Variants in ZNF91 observed in about 807,000 individuals in gnomAD.
The protein encoded by ZNF91 is zinc finger protein 91 (HPF7, HTF10).
Under a neutral mutation model 12.6 loss-of-function variants are expected in ZNF91, and 7 were observed. The observed-to-expected ratio is 0.55, with a 90% CI of 0.31 to 1.04. ZNF91 has a LOEUF of 1.04. ZNF91 is among the 50% of genes least tolerant of loss of function. The pLI is 0.05. For missense variants in ZNF91, 1,217 were observed against 1,385.4 expected (o/e 0.88, Z 1.93); for synonymous variants, 453 against 462.6 (o/e 0.98, Z 0.27).
At chr19:23,338,594 AAAC>A (rs1378419205), downstream of ZNF91, 1 of 123,062 alleles carries the variant, frequency 8.1e-6, no homozygotes, top group East Asian at 4.8e-4. Flanking sequence ...AGGTCTTACA[AAAC>A]AAAACAAAGT....
intron 2 of ZNF91, among the ~76,000 whole-genome samples, chr19:23,374,315 G>A (rs1323037237): frequency 3.3e-5 from 5 of 151,140 alleles, no homozygotes; most frequent in African/African-American, 1.2e-4. Context: ...AGGCCAAGGC[G>A]GGCAGATCAT....
At chr19:23,377,689 T>G (rs939623020) in intron 1 of ZNF91, among the ~76,000 whole-genome samples, 1 of 152,234 alleles carries the variant, frequency 6.6e-6, no homozygotes, top group African/African-American at 2.4e-5. Flanking sequence ...TCTTAAAGTA[T>G]ACTACTTGCT....
downstream of ZNF91, among the ~76,000 whole-genome samples, chr19:23,352,751 AG>A (rs1470841568): frequency 4.6e-5 from 7 of 152,208 alleles, no homozygotes; most frequent in Admixed American, 4.6e-4. Context: ...ATAAACTTAA[AG>A]GGGTGGAAAA....
chr19:23,382,995 A>G (rs893441217), intron 1 of ZNF91, among the ~76,000 whole-genome samples: 4 of 152,212 alleles, frequency 2.6e-5, no homozygotes, highest in Non-Finnish European at 5.9e-5. Context: ...CCAACTCATT[A>G]TATAAGAACA....
At position 23,357,831 on chromosome 19, in the gene ZNF91, T is replaced by C. The variant is rs559236233; in HGVS notation, c.*1572A>G. 2 of 152,310 alleles carry C rather than the reference T, an allele frequency of 1.3e-5. No homozygotes were observed. The highest frequency in any genetic ancestry group is 2.9e-5 in the Non-Finnish European group (2 of 68,016). 9.4% of individuals were successfully genotyped at this position (152,310 alleles called of 1,614,324 possible). On this transcript the variant is annotated 3_prime_UTR_variant, in exon 4 of 4. Coordinates refer to ENST00000300619, the MANE Select transcript of ZNF91 (RefSeq NM_003430.4). ...AATTATTTGTAATACAAAGAATAAA[T>C]GCTAGAGGTAATGGAGACCGCATTT...
At chr19:23,374,388 C>CAAAAAAAAAAAAAAAA (rs34706703) in intron 2 of ZNF91, among the ~76,000 whole-genome samples, 1 of 88,254 alleles carries the variant, frequency 1.1e-5, no homozygotes, top group African/African-American at 4.1e-5. Flanking sequence ...CTAAAAATAC[C>CAAAAAAAAAAAAAAAA]AAAAAAAAAA....
chr19:23,384,409 T>C, intron 1 of ZNF91: 1 of 267,742 alleles, frequency 3.7e-6, no homozygotes, highest in Non-Finnish European at 7.4e-6. Context: ...GAGCCACTTC[T>C]GAAGCCACTT....
downstream of ZNF91, among the ~76,000 whole-genome samples, chr19:23,336,988 AATTT>A (rs1275083894): frequency 3.9e-5 from 6 of 152,194 alleles, no homozygotes; most frequent in Non-Finnish European, 8.8e-5. Context: ...GGTTGTGTTT[AATTT>A]ATTTATACAA....
intron 1 of ZNF91, among the ~76,000 whole-genome samples, chr19:23,323,214 C>T (rs1003813291): frequency 5.4e-5 from 8 of 147,020 alleles, no homozygotes; most frequent in African/African-American, 7.5e-5. Context: ...CTTCCTCTTA[C>T]TTTTCCTTTC....
downstream of ZNF91, among the ~76,000 whole-genome samples, chr19:23,353,230 T>G (rs1361071451): frequency 3.9e-5 from 6 of 152,104 alleles, no homozygotes; most frequent in African/African-American, 1.4e-4. Flanking sequence ...CTCAATAAAT[T>G]TAAGAAAATT....
Position 23,362,169 on chromosome 19 carries a change from T to G in ZNF91, c.810A>C (p.Glu270Asp). The G allele has an allele frequency of 6.2e-7, 1 of 1,613,148 alleles. No homozygotes were observed. Among genetic ancestry groups the G allele is most frequent in the Non-Finnish European group, 8.5e-7 (1 of 1,179,364 alleles). Reference sequence around the variant, plus strand: ...AGGACCATAGAAATGCTTTGCCACATTCTTCACACTTGTAGATTTTCTCTT... The same window carrying G: ...AGGACCATAGAAATGCTTTGCCACAGTCTTCACACTTGTAGATTTTCTCTT... ...CAKEKIYKCE[E>D]CGKAFLWSST... is the part of the protein sequence containing the mutation. Residue 270 changes from glutamate (E) to aspartate (D), a missense_variant, in exon 4 of 4, where the codon GAA (glutamate) becomes GAC (aspartate). Physicochemically the swap from Glu to Asp is conservative, Grantham distance 45. This residue lies in a region of ZNF91 where 726 missense variants were observed against 895.5 expected (regional missense o/e 0.81). Coordinates refer to ENST00000300619, the MANE Select transcript of ZNF91 (RefSeq NM_003430.4).
At chr19:23,323,633 C>G (rs1407350899) in intron 1 of ZNF91, among the ~76,000 whole-genome samples, 1 of 145,230 alleles carries the variant, frequency 6.9e-6, no homozygotes, top group Non-Finnish European at 1.5e-5. Flanking sequence ...CCTTTCTCCT[C>G]CTCCTTCTCT....
At chr19:23,338,360 C>T (rs1968054667), downstream of ZNF91, 1 of 151,728 alleles carries the variant, frequency 6.6e-6, no homozygotes. Context: ...TGGGATGGCA[C>T]TTTTAGAGTG....
intron 3 of ZNF91, among the ~76,000 whole-genome samples, chr19:23,368,722 C>T (rs1023890886): frequency 3.3e-5 from 5 of 151,694 alleles, no homozygotes. Flanking sequence ...AATAATGCCT[C>T]CTATAAAATG....
chr19:23,307,918 A>G (rs913745017), intron 2 of ZNF91: 1 of 152,232 alleles, frequency 6.6e-6, no homozygotes, highest in Non-Finnish European at 1.5e-5. Context: ...CTCTGTATAC[A>G]CTGTATATTG....
At chr19:23,345,925 T>C (rs1968217994) in intron 3 of ZNF91, among the ~76,000 whole-genome samples, 1 of 152,038 alleles carries the variant, frequency 6.6e-6, no homozygotes, top group South Asian at 2.1e-4. Context: ...CCACTGCCTG[T>C]TAACTCAACC....
In ZNF91 at chr19:23,360,827, C is replaced by A. The variant is rs1330100361; in HGVS notation, c.2152G>T (p.Glu718Ter). ...GATCGATTAAAAGCTTTGCCACATT[C>A]TTCACATTTGTAGAGTTTCTCTCCA... ...HAGEKLYKCEECGKAFNRSSN... is the reference protein window; with the variant it reads ...HAGEKLYKCE Residue 718 changes from glutamate to a stop codon, truncating the protein, a stop_gained, in exon 4 of 4, where the codon GAA (glutamate) becomes TAA (stop). Coordinates refer to ENST00000300619, the MANE Select transcript of ZNF91 (RefSeq NM_003430.4). LOFTEE classifies it low-confidence loss of function (END_TRUNC). 1 of 1,613,448 alleles carries A rather than the reference C, an allele frequency of 6.2e-7. No homozygotes were observed. The highest frequency in any genetic ancestry group is 1.7e-5 in the Admixed American group (1 of 59,910).
upstream of ZNF91, among the ~76,000 whole-genome samples, chr19:23,315,276 C>G (rs1967536226): frequency 6.6e-6 from 1 of 152,198 alleles, no homozygotes; most frequent in African/African-American, 2.4e-5. Context: ...TGATGTGACT[C>G]TCTTGCATGG....
At chr19:23,354,656 A>C (rs767903660), downstream of ZNF91, among the ~76,000 whole-genome samples, 2 of 152,190 alleles carry the variant, frequency 1.3e-5, no homozygotes, top group Non-Finnish European at 2.9e-5. Flanking sequence ...AAGGGCATCC[A>C]AATCAGTAAA....
Sources: gnomAD v4.1 joint callset for allele counts (sites outside exome capture counted in the v4.1 genomes callset) on GRCh38, gnomAD v4.1.1 for gene constraint, gnomAD v4.1.1 regional missense constraint, MANE v1.5 for transcripts, NCBI Gene and HGNC (gene_info 2026-07-23, HGNC 2026-07-21) for gene names.